The following ACSBG2 variants were observed in gnomAD, a reference collection of about 807,000 sequenced individuals.
ACSBG2 encodes the protein long-chain-fatty-acid--CoA ligase ACSBG2.
In ACSBG2, 62 loss-of-function variants were observed where a neutral mutation model predicts 74.7. That is an observed-to-expected ratio of 0.83 (90% CI 0.68 to 1.03). The LOEUF (loss-of-function observed/expected upper bound fraction) is 1.03, where lower values mean the gene tolerates loss of function less well. Ranked by LOEUF, ACSBG2 falls within the 50% of genes least tolerant of loss-of-function variation. The pLI is 0.00. For synonymous variants in ACSBG2, 309 were observed against 294.1 expected (o/e 1.05, Z -0.52); for missense variants, 730 against 817.6 (o/e 0.89, Z 1.31).
In ACSBG2 at chr19:6,187,741, A is replaced by G. The variant is rs1301932088; in HGVS notation, c.1823A>G (p.Gln608Arg). 1.2e-6 allele frequency: 2 copies of G among 1,614,074 alleles called. No individual in the cohort carries two copies. Among genetic ancestry groups the G allele is most frequent in the African/African-American group, 2.7e-5 (2 of 74,914 alleles). The change falls in exon 13 of 15, where the codon CAG (glutamine) becomes CGG (arginine). Residue 608 changes from glutamine to arginine, a missense_variant. Physicochemically the swap from Gln to Arg is conservative, Grantham distance 43. Transcript: ENST00000588485. ...GACCCCCTGGTCTACAAGGCCATCCAGCAAGGCATCAATGCTGTGAACCAG... is the reference window on the plus strand; with the variant it reads ...GACCCCCTGGTCTACAAGGCCATCCGGCAAGGCATCAATGCTGTGAACCAG... Reference protein sequence around the residue: ...QQDPLVYKAIQQGINAVNQEA... With the variant: ...QQDPLVYKAIRQGINAVNQEA...
chr19:6,173,233 T>G (rs1370884300), intron 7 of ACSBG2, among the ~76,000 whole-genome samples: 3 of 152,134 alleles, frequency 2.0e-5, no homozygotes, highest in Admixed American at 6.5e-5. Flanking sequence ...CTTGCCAAAG[T>G]CACAGCGCGT....
At chr19:6,153,134 T>C (rs2089292754) in intron 4 of ACSBG2, among the ~76,000 whole-genome samples, 1 of 151,866 alleles carries the variant, frequency 6.6e-6, no homozygotes, top group Non-Finnish European at 1.5e-5. Flanking sequence ...TAGTCCCAGC[T>C]ACGCGGGAGG....
intron 5 of ACSBG2, among the ~76,000 whole-genome samples, chr19:6,160,320 G>T (rs555933272): frequency 6.6e-6 from 1 of 151,486 alleles, no homozygotes; most frequent in South Asian, 2.1e-4. Flanking sequence ...AACCCAGGAG[G>T]CGGAGCTTGG....
chr19:6,161,434 G>T, intron 6 of ACSBG2, 139 bp downstream of exon 6: 2 of 710,634 alleles, frequency 2.8e-6, no homozygotes, highest in Non-Finnish European at 4.5e-6. Context: ...AGTAGGTGGG[G>T]ACTCTCAAAG....
Position 6,187,850 on chromosome 19 carries a change from G to A in ACSBG2, c.1927+5G>A, listed in dbSNP as rs2090454888. ...CCATCTATGGTGGAGAGCTAGGTGA[G>A]TGGCCATGACATTTGGAGGCTGGTC... On this transcript the variant is annotated splice_donor_5th_base_variant and intron_variant, in intron 13 of 14. Coordinates refer to ENST00000588485, the MANE Select transcript of ACSBG2 (RefSeq NM_030924.5). 4 of 1,613,118 alleles carry A rather than the reference G, an allele frequency of 2.5e-6. No individual in the cohort carries two copies. The highest frequency in any genetic ancestry group is 2.2e-5 in the East Asian group (1 of 44,850).
At chr19:6,145,990 C>A (rs148070856) in intron 2 of ACSBG2, among the ~76,000 whole-genome samples, 1 of 152,244 alleles carries the variant, frequency 6.6e-6, no homozygotes, top group East Asian at 1.9e-4. Flanking sequence ...TCCCCATGAA[C>A]GACACACATA....
intron 3 of ACSBG2, among the ~76,000 whole-genome samples, chr19:6,149,896 G>A (rs1047727015): frequency 6.6e-6 from 1 of 151,162 alleles, no homozygotes; most frequent in Non-Finnish European, 1.5e-5. Flanking sequence ...CACCTACCTC[G>A]GCCTCCCAAA....
chr19:6,136,378 C>T (rs1050493741), intron 1 of ACSBG2, among the ~76,000 whole-genome samples: 6 of 152,142 alleles, frequency 3.9e-5, no homozygotes, highest in African/African-American at 9.7e-5. Context: ...AGGCGTGAGC[C>T]GCCATACTCG....
At chr19:6,152,301 T>TTTTTTTTTTGTA (rs1424577463) in intron 4 of ACSBG2, among the ~76,000 whole-genome samples, 17 of 71,350 alleles carry the variant, frequency 2.4e-4, no homozygotes, top group East Asian at 4.3e-4. Flanking sequence ...TTTTTTTTTT[T>TTTTTTTTTTGTA]GAGACGGAGT....
chr19:6,163,856 T>A (rs1392509313), intron 6 of ACSBG2, among the ~76,000 whole-genome samples: 2 of 142,288 alleles, frequency 1.4e-5, no homozygotes, highest in African/African-American at 2.7e-5. Context: ...CTAAAGAGGA[T>A]CACTTGAACC....
At chr19:6,176,389 C>CA (rs1245337358) in intron 7 of ACSBG2, 1 of 1,525,174 alleles carries the variant, frequency 6.6e-7, no homozygotes, top group Non-Finnish European at 8.8e-7. Context: ...ACCACCATCT[C>CA]ATGCTTGTCT....
chr19:6,176,504 A>C, intron 7 of ACSBG2: 3 of 778,424 alleles, frequency 3.9e-6, no homozygotes, highest in Non-Finnish European at 3.7e-6. Flanking sequence ...CAACACACAC[A>C]CACACACGCA....
rs1330679787 is a variant in ACSBG2, at chr19:6,177,282, T to C, written c.792T>C (p.His264=). Residue 264 remains histidine, a synonymous_variant, in exon 8 of 15, where the codon CAT becomes CAC. Coordinates refer to ENST00000588485, the MANE Select transcript of ACSBG2 (RefSeq NM_030924.5). ...AGGACTTTAAACTGACAGACAAGCA[T>C]GAGACGGTGGTTAGCTACCTCCCAC... The part of the protein sequence containing the change: ...VTKDFKLTDK[H]ETVVSYLPLS... The C allele has an allele frequency of 6.2e-7, 1 of 1,614,150 alleles. No homozygotes were observed. Among genetic ancestry groups the C allele is most frequent in the South Asian group, 1.1e-5 (1 of 91,082 alleles).
chr19:6,151,008 G>C (rs905035612), intron 3 of ACSBG2, among the ~76,000 whole-genome samples: 1 of 151,510 alleles, frequency 6.6e-6, no homozygotes, highest in African/African-American at 2.4e-5. Flanking sequence ...CAGCTACTTC[G>C]GAGGCTGAGG....
chr19:6,140,784 C>A (rs74708046), intron 1 of ACSBG2, among the ~76,000 whole-genome samples: 5,488 of 152,232 alleles, frequency 0.036, 203 homozygotes, highest in African/African-American at 0.1. Flanking sequence ...TCATAATAGA[C>A]AATATTGTCA....
At position 6,174,954 on chromosome 19, in the gene ACSBG2, G is replaced by A. The variant is rs1196427352; in HGVS notation, c.739-2275G>A. Among the ~76,000 whole-genome samples, 2 of 152,192 alleles carry A rather than the reference G, an allele frequency of 1.3e-5. No individual in the cohort carries two copies. The highest frequency in any genetic ancestry group is 2.9e-5 in the Non-Finnish European group (2 of 68,044). ...TAACTCCCCACTAAAACCCCACGAG[G>A]AAAATTTTGTCACTAACCCTTTTAC... On this transcript the variant is annotated intron_variant, in intron 7 of 14. Transcript: ENST00000588485. This position sits in a 1 kb window ranked among gnomAD's most constrained non-coding sequence, Gnocchi z 4.2.
intron 6 of ACSBG2, 81 bp downstream of exon 6, chr19:6,161,376 A>G: frequency 7.3e-7 from 1 of 1,375,950 alleles, no homozygotes. Context: ...GTGGAAGGTG[A>G]GCAGAGGGAG....
chr19:6,187,357 A>C lies in ACSBG2; in HGVS notation c.1615A>C (p.Ile539Leu), dbSNP rs1568258046. Residue 539 changes from isoleucine (I) to leucine (L), a missense_variant, in exon 12 of 15, where the codon ATC becomes CTC. By Grantham distance (5) the Ile-to-Leu change is conservative (BLOSUM62 2). Coordinates refer to ENST00000588485, the MANE Select transcript of ACSBG2 (RefSeq NM_030924.5). Reference sequence around the variant, plus strand: ...GACCTTGGTTAAGAAGAAGATCCCCATCATCAGTAACGCCATGTTAGTAGG... The same window carrying C: ...GACCTTGGTTAAGAAGAAGATCCCCCTCATCAGTAACGCCATGTTAGTAGG... ...VETLVKKKIP[I>L]ISNAMLVGDK... 6.2e-7 allele frequency: 1 copy of C among 1,614,148 alleles called. No individual in the cohort carries two copies. Among genetic ancestry groups the C allele is most frequent in the Admixed American group, 1.7e-5 (1 of 60,000 alleles).
intron 2 of ACSBG2, among the ~76,000 whole-genome samples, chr19:6,146,357 C>T (rs1187256304): frequency 6.6e-6 from 1 of 152,092 alleles, no homozygotes. Context: ...GTAATCCCAG[C>T]TACTCGGCAG....
Sources: allele counts gnomAD v4.1 joint callset (sites outside exome capture counted in the v4.1 genomes callset), GRCh38; gene constraint gnomAD v4.1.1; non-coding constraint Gnocchi (gnomAD v3.1); transcripts MANE v1.5; gene names NCBI Gene and HGNC (gene_info 2026-07-23, HGNC 2026-07-21).